The following NAALADL2 variants were observed in gnomAD, a reference collection of about 807,000 sequenced individuals.
The protein encoded by NAALADL2 is N-acetylated alpha-linked acidic dipeptidase like 2, also known as inactive N-acetylated-alpha-linked acidic dipeptidase-like protein 2.
Under a neutral mutation model 87.2 loss-of-function variants are expected in NAALADL2, and 76 were observed. The ratio of observed to expected loss-of-function variants is 0.87; its 90% CI spans 0.72 to 1.05. NAALADL2 has a LOEUF of 1.05. Among genes scored for constraint, NAALADL2 ranks in the 50% least tolerant of loss-of-function variants. NAALADL2 has a pLI of 0.00. For missense variants in NAALADL2, 1,089 were observed against 945.8 expected (o/e 1.15, Z -1.99); for synonymous variants, 354 against 331.0 (o/e 1.07, Z -0.75).
intron 1 of NAALADL2, among the ~76,000 whole-genome samples, chr3:174,874,359 T>C (rs1728215915): frequency 6.6e-6 from 1 of 152,206 alleles, no homozygotes; most frequent in Admixed American, 6.5e-5. Context: ...ATACTTAATG[T>C]GCCAAGTTAA....
chr3:174,920,173 G>A (rs1028945489), intron 1 of NAALADL2, among the ~76,000 whole-genome samples: 2 of 152,174 alleles, frequency 1.3e-5, no homozygotes, highest in African/African-American at 2.4e-5. Flanking sequence ...GTGACAAGCT[G>A]CATTAGCTCC....
intron 1 of NAALADL2, among the ~76,000 whole-genome samples, chr3:174,450,565 C>T (rs1202362409): frequency 1.3e-5 from 2 of 152,018 alleles, no homozygotes; most frequent in African/African-American, 2.4e-5. Flanking sequence ...GTAATTTTCT[C>T]AAGTTTCAAG....
At chr3:174,841,511 A>G (rs773988525) in intron 3 of NAALADL2, among the ~76,000 whole-genome samples, 1 of 152,200 alleles carries the variant, frequency 6.6e-6, no homozygotes, top group Admixed American at 6.5e-5. Context: ...TTTCGAAGCT[A>G]CCATGAAGAA....
At chr3:175,363,954 C>T (rs1445070209) in intron 5 of NAALADL2, among the ~76,000 whole-genome samples, 2 of 148,062 alleles carry the variant, frequency 1.4e-5, no homozygotes, top group Middle Eastern at 3.2e-3. Flanking sequence ...ATTTGACATT[C>T]GATTTGAGTC....
At chr3:174,495,238 T>C (rs2108357531) in intron 1 of NAALADL2, among the ~76,000 whole-genome samples, 1 of 146,088 alleles carries the variant, frequency 6.8e-6, no homozygotes, top group African/African-American at 2.5e-5. Flanking sequence ...GTAGAGTTGC[T>C]TAAGGAAAGC....
intron 11 of NAALADL2, among the ~76,000 whole-genome samples, chr3:175,725,911 A>C (rs563344700): frequency 6.6e-6 from 1 of 152,308 alleles, no homozygotes; most frequent in Admixed American, 6.5e-5. Context: ...ATCATGTTAA[A>C]GATAGTTATT....
At chr3:175,438,224 C>T (rs1356210322) in intron 5 of NAALADL2, among the ~76,000 whole-genome samples, 1 of 151,992 alleles carries the variant, frequency 6.6e-6, no homozygotes, top group Non-Finnish European at 1.5e-5. Context: ...CTAAACAATA[C>T]TTTGCTGACG....
At chr3:175,378,038 G>C (rs545298297) in intron 5 of NAALADL2, among the ~76,000 whole-genome samples, 1 of 152,224 alleles carries the variant, frequency 6.6e-6, no homozygotes, top group Admixed American at 6.5e-5. Context: ...GATAAAAGAG[G>C]GCCCTCTGAG....
chr3:174,949,361 G>A (rs766092184), intron 1 of NAALADL2, among the ~76,000 whole-genome samples: 20 of 152,024 alleles, frequency 1.3e-4, no homozygotes, highest in Non-Finnish European at 2.4e-4. Flanking sequence ...TATCACTTCT[G>A]CCATGGTTGC....
chr3:175,000,551 C>T (rs368512477), intron 1 of NAALADL2, among the ~76,000 whole-genome samples: 2 of 152,288 alleles, frequency 1.3e-5, no homozygotes, highest in South Asian at 4.1e-4. Context: ...GTGCCTGCTA[C>T]TGGGACTGGA....
chr3:174,595,141 G>T (rs1269603224), intron 2 of NAALADL2, among the ~76,000 whole-genome samples: 2 of 152,094 alleles, frequency 1.3e-5, no homozygotes, highest in East Asian at 3.9e-4. Context: ...GTCACTAAAT[G>T]CACAGTTGAG....
At chr3:175,081,129 C>T (rs1343325381) in intron 1 of NAALADL2, 2 of 152,066 alleles carry the variant, frequency 1.3e-5, no homozygotes, top group Admixed American at 6.6e-5. Context: ...TCTTTTAAAC[C>T]GGTTTTCCAG....
chr3:174,720,625 G>C (rs1029116527), intron 2 of NAALADL2, among the ~76,000 whole-genome samples: 1 of 152,066 alleles, frequency 6.6e-6, no homozygotes, highest in Non-Finnish European at 1.5e-5. Context: ...ACCATGAGAT[G>C]TTTATTTATC....
At chr3:175,366,779 G>T (rs1765644236) in intron 5 of NAALADL2, among the ~76,000 whole-genome samples, 2 of 151,198 alleles carry the variant, frequency 1.3e-5, no homozygotes, top group African/African-American at 4.9e-5. Flanking sequence ...AGATGAGTAG[G>T]TTGCGAAAAT....
At chr3:175,148,846 C>G (rs1345547287) in intron 2 of NAALADL2, among the ~76,000 whole-genome samples, 1 of 152,056 alleles carries the variant, frequency 6.6e-6, no homozygotes, top group African/African-American at 2.4e-5. Context: ...TTGCTGTAAC[C>G]TTAGAGAATA....
intron 2 of NAALADL2, among the ~76,000 whole-genome samples, chr3:174,556,092 A>G (rs575386451): frequency 6.6e-6 from 1 of 152,194 alleles, no homozygotes; most frequent in South Asian, 2.1e-4. Context: ...GTGTAAAACC[A>G]TAACTTTTCT....
chr3:175,620,101 G>GTAA, intron 10 of NAALADL2, among the ~76,000 whole-genome samples: 1 of 151,062 alleles, frequency 6.6e-6, no homozygotes, highest in Middle Eastern at 3.5e-3. Context: ...GAATTAAAAA[G>GTAA]TAATAGGTTT....
At chr3:174,964,013 C>T (rs986452354) in intron 1 of NAALADL2, among the ~76,000 whole-genome samples, 4 of 139,422 alleles carry the variant, frequency 2.9e-5, no homozygotes, top group Middle Eastern at 3.4e-3. Context: ...CATACTTTTT[C>T]GCATGTTATT....
intron 2 of NAALADL2, among the ~76,000 whole-genome samples, chr3:175,097,828 A>C (rs949263035): frequency 6.6e-6 from 1 of 152,162 alleles, no homozygotes; most frequent in African/African-American, 2.4e-5. Flanking sequence ...GAAGTGAAGA[A>C]CTAGATATGC....
Sources: gnomAD v4.1 joint callset for allele counts (sites outside exome capture counted in the v4.1 genomes callset) on GRCh38, gnomAD v4.1.1 for gene constraint, MANE v1.5 for transcripts, NCBI Gene and HGNC (gene_info 2026-07-23, HGNC 2026-07-21) for gene names.